FCSK: variants seen among roughly 807,000 people sequenced by gnomAD.
FCSK encodes L-fucose kinase.
In FCSK, 123 loss-of-function variants were observed where a neutral mutation model predicts 122.5. The ratio of observed to expected loss-of-function variants is 1.00; its 90% CI spans 0.87 to 1.17. The LOEUF (loss-of-function observed/expected upper bound fraction) is 1.17. Ranked by LOEUF, FCSK falls within the 50% of genes most tolerant of loss-of-function variation. FCSK has a pLI of 0.00. For missense variants in FCSK, 1,366 were observed against 1,450.4 expected (o/e 0.94, Z 0.95); for synonymous variants, 620 against 625.5 (o/e 0.99, Z 0.13).
chr16:70,472,917 C>T (rs910775617), intron 14 of FCSK, 66 bp from the exon 15 acceptor site: 42 of 1,517,184 alleles, frequency 2.8e-5, no homozygotes, highest in Non-Finnish European at 3.5e-5. Context: ...ACAGGCGGCT[C>T]AGGGCTTGGG....
chr16:70,470,280 C>CTGCGACTT, intron 10 of FCSK, 34 bp from the exon 11 acceptor site: 1 of 1,461,350 alleles, frequency 6.8e-7, no homozygotes, highest in Non-Finnish European at 9.5e-7. Flanking sequence ...TCGCAGCAGG[C>CTGCGACTT]ATGGGGTTGG....
chr16:70,470,385 C>T lies in FCSK; in HGVS notation c.1027C>T (p.Pro343Ser). 1 of 1,613,826 alleles carries T rather than the reference C, an allele frequency of 6.2e-7. No individual in the cohort carries two copies. The highest frequency in any genetic ancestry group is 8.5e-7 in the Non-Finnish European group (1 of 1,179,938). ...TGAGTTCCTGCTCAGCCTCACACTC[C>T]CCGGGGCTCCTGGGGCCCAGATTGT... ...ASEFLLSLTLPGAPGAQIVHS... is the reference protein window; with the variant it reads ...ASEFLLSLTLSGAPGAQIVHS... The change falls in exon 11 of 24, where the codon CCC (proline) becomes TCC (serine). Residue 343 changes from proline (P) to serine (S), a missense_variant. Transcript: ENST00000288078.
chr16:70,475,070 G>T, intron 18 of FCSK, 59 bp downstream of exon 18: 1 of 1,458,782 alleles, frequency 6.9e-7, no homozygotes. Flanking sequence ...CGGGGCAGAA[G>T]CTAGAGACTG....
chr16:70,468,893 C>T lies in FCSK; in HGVS notation c.708C>T (p.Leu236=), dbSNP rs1196079602. Residue 236 remains leucine, a synonymous_variant, in exon 9 of 24, where the codon CTC becomes CTT. Coordinates refer to ENST00000288078, the MANE Select transcript of FCSK (RefSeq NM_145059.3). ...TCTCTGTGGAGACTGCCGAGCGCCT[C>T]CTAGCCACCCACGTGAGCCCGCCCC... ...VFFSVETAER[L]LATHVSPPLD... The T allele has an allele frequency of 6.2e-6, 10 of 1,613,946 alleles. No individual in the cohort carries two copies. Among genetic ancestry groups the T allele is most frequent in the African/African-American group, 1.3e-5 (1 of 74,926 alleles).
At position 70,466,932 on chromosome 16, in the gene FCSK, G is replaced by A. The variant is rs891291853; in HGVS notation, c.462G>A (p.Leu154=). 25 of 1,613,828 alleles carry A rather than the reference G, an allele frequency of 1.5e-5. No homozygotes were observed. In the African/African-American group the frequency reaches 3.1e-4, roughly 20 times the overall value. Reference sequence around the variant, plus strand: ...TGTGGGTCTGCAGCACCGACATGCTGCTGTCTGTTCCTGCAAATCCTGGTG... The same window carrying A: ...TGTGGGTCTGCAGCACCGACATGCTACTGTCTGTTCCTGCAAATCCTGGTG... ...PGVWVCSTDM[L]LSVPANPGIS... Residue 154 remains leucine (L), a synonymous_variant, in exon 6 of 24, where the codon CTG becomes CTA. Coordinates refer to ENST00000288078, the MANE Select transcript of FCSK (RefSeq NM_145059.3).
intron 3 of FCSK, 33 bp downstream of exon 3, chr16:70,463,807 G>C (rs2048336813): frequency 6.3e-7 from 1 of 1,575,576 alleles, no homozygotes; most frequent in Non-Finnish European, 8.6e-7. Context: ...TCCCTGGTCT[G>C]TGTCCCTGCT....
At chr16:70,465,229 G>A in intron 4 of FCSK, 53 bp downstream of exon 4, 1 of 1,555,268 alleles carries the variant, frequency 6.4e-7, no homozygotes, top group Non-Finnish European at 8.8e-7. Flanking sequence ...CCCAGTTCGT[G>A]GAGTTGAGCA....
chr16:70,474,549 G>A lies in FCSK; in HGVS notation c.2010G>A (p.Ala670=), dbSNP rs1218922176. 5.8e-6 allele frequency: 9 copies of A among 1,549,192 alleles called. No homozygotes were observed. Among genetic ancestry groups the A allele is most frequent in the East Asian group, 4.9e-5 (2 of 41,030 alleles). Residue 670 remains alanine, a synonymous_variant, in exon 17 of 24, where the codon GCG becomes GCA. Transcript: ENST00000288078. ...WLSRPALLVR[A]ARHYEGAGQI... ...GCAGGCCAGCCTTGCTGGTGCGAGC[G>A]GCCCGCCACTATGAGGGGGCTGGTC...
chr16:70,467,974 T>C lies in FCSK; in HGVS notation c.663+8T>C. On this transcript the variant is annotated splice_region_variant and intron_variant, in intron 8 of 23. Transcript: ENST00000288078. ...GATGGGCGGGTGCCACTGGTATGGC[T>C]GCTGGGCCCAGGTTGCGGGGCTTTG... is the stretch of plus-strand genomic sequence containing the variant. 6.2e-7 allele frequency: 1 copy of C among 1,612,422 alleles called. No homozygotes were observed. Among genetic ancestry groups the C allele is most frequent in the Non-Finnish European group, 8.5e-7 (1 of 1,178,478 alleles).
At chr16:70,478,845 T>G in intron 22 of FCSK, 195 bp downstream of exon 22, 1 of 703,080 alleles carries the variant, frequency 1.4e-6, no homozygotes, top group Non-Finnish European at 2.6e-6. Context: ...ATTTTCATCA[T>G]GGGAAAGGCC....
chr16:70,475,822 CG>C, intron 20 of FCSK, 55 bp downstream of exon 20: 2 of 1,483,548 alleles, frequency 1.3e-6, no homozygotes, highest in Admixed American at 2.3e-5. Flanking sequence ...CAAGGGCCCG[CG>C]GGGGGAGTGG....
rs369500734 is a variant in FCSK, at chr16:70,462,942, G to A, written c.-22-227G>A. ...TTGCAGGCATGAGCCTCTGCACCCG[G>A]CCGACATTTTCTAAGTTGATGAAAC... On this transcript the variant is annotated intron_variant, in intron 1 of 23. Coordinates refer to ENST00000288078, the MANE Select transcript of FCSK (RefSeq NM_145059.3). 3.7e-4 allele frequency among the ~76,000 whole-genome samples: 57 copies of A among 152,300 alleles called. No homozygotes were observed. The South Asian group carries it at 0.011, about 30-fold the overall frequency.
chr16:70,463,409 T>C (rs2048326599), intron 2 of FCSK, 137 bp downstream of exon 2: 1 of 886,078 alleles, frequency 1.1e-6, no homozygotes, highest in Non-Finnish European at 1.8e-6. Context: ...TGTGACAGCA[T>C]ACGTGGCATG....
chr16:70,475,318 T>A (rs1466074121), intron 18 of FCSK, 32 bp from the exon 19 acceptor site: 3 of 1,605,420 alleles, frequency 1.9e-6, no homozygotes, highest in African/African-American at 1.3e-5. Flanking sequence ...CCATCGAGAC[T>A]GAATTCCTTT....
At chr16:70,466,447 C>G in intron 5 of FCSK, 190 bp downstream of exon 5, 1 of 656,522 alleles carries the variant, frequency 1.5e-6, no homozygotes. Flanking sequence ...AATTTCAGCA[C>G]TTTGAGAAGC....
chr16:70,476,624 A>C (rs895471483), intron 20 of FCSK, among the ~76,000 whole-genome samples: 1 of 152,006 alleles, frequency 6.6e-6, no homozygotes, highest in African/African-American at 2.4e-5. Flanking sequence ...GGTCCACCTC[A>C]GGGTGTCAGG....
chr16:70,479,299 C>T lies in FCSK; in HGVS notation c.3049C>T (p.His1017Tyr). ...RMMDVLAPHV[H>Y]GQSLAGAGGG... ...GATGGATGTCCTGGCCCCCCACGTG[C>T]ATGGCCAGAGCCTGGCTGGGGCAGG... Residue 1017 changes from histidine (H) to tyrosine (Y), a missense_variant, in exon 23 of 24, where the codon CAT (histidine) becomes TAT (tyrosine). Transcript: ENST00000288078. 6.2e-7 allele frequency: 1 copy of T among 1,614,058 alleles called. No homozygotes were observed.
chr16:70,475,020 C>T lies in FCSK; in HGVS notation c.2377+9C>T, dbSNP rs374590052. On this transcript the variant is annotated intron_variant, in intron 18 of 23. Transcript: ENST00000288078. ...CCAGCCTCATGCCCCAGGTCAGGCACCCTGGGACCTCTGCAGGTGGGGCTG... is the reference window on the plus strand; with the variant it reads ...CCAGCCTCATGCCCCAGGTCAGGCATCCTGGGACCTCTGCAGGTGGGGCTG... 1.9e-6 allele frequency: 3 copies of T among 1,582,592 alleles called. No individual in the cohort carries two copies. The highest frequency in any genetic ancestry group is 1.1e-5 in the South Asian group (1 of 87,608).
intron 1 of FCSK, among the ~76,000 whole-genome samples, chr16:70,460,816 G>A (rs776151615): frequency 1.3e-5 from 2 of 152,220 alleles, no homozygotes; most frequent in African/African-American, 4.8e-5. Context: ...CGTTCAAAGC[G>A]TGGCCTCCAT....
Sources: gnomAD v4.1 joint callset for allele counts (sites outside exome capture counted in the v4.1 genomes callset) on GRCh38, gnomAD v4.1.1 for gene constraint, MANE v1.5 for transcripts, NCBI Gene and HGNC (gene_info 2026-07-23, HGNC 2026-07-21) for gene names.